Variants in SGK2 observed in about 807,000 individuals in gnomAD.
The protein encoded by SGK2 is serine/threonine-protein kinase Sgk2.
Under a neutral mutation model 47.5 loss-of-function variants are expected in SGK2, and 36 were observed. The ratio of observed to expected loss-of-function variants is 0.76; its 90% CI spans 0.58 to 1.00. SGK2 has a LOEUF of 1.00. Among genes scored for constraint, SGK2 ranks in the 50% least tolerant of loss-of-function variants. The pLI, the probability that SGK2 is intolerant of heterozygous loss-of-function variation, is 0.00. For missense variants in SGK2, 404 were observed against 467.4 expected (o/e 0.86, Z 1.25); for synonymous variants, 157 against 181.9 (o/e 0.86, Z 1.10).
intron 12 of SGK2, among the ~76,000 whole-genome samples, chr20:43,581,669 T>C (rs1185547883): frequency 6.6e-6 from 1 of 152,106 alleles, no homozygotes; most frequent in African/African-American, 2.4e-5. Context: ...GCTGTGATTA[T>C]AGGCATGCGC....
chr20:43,580,755 G>A (rs557823600), intron 12 of SGK2, among the ~76,000 whole-genome samples: 1 of 147,460 alleles, frequency 6.8e-6, no homozygotes, highest in Non-Finnish European at 1.5e-5. Flanking sequence ...AAAAGGGAAT[G>A]TATGTAAAAC....
At chr20:43,583,119 T>C in intron 12 of SGK2, 1 of 1,201,400 alleles carries the variant, frequency 8.3e-7, no homozygotes, top group Admixed American at 2.6e-5. Flanking sequence ...TAATTCACCA[T>C]TTACATTTCT....
At chr20:43,575,339 TG>T (rs1311410298) in intron 10 of SGK2, among the ~76,000 whole-genome samples, 4 of 151,696 alleles carry the variant, frequency 2.6e-5, no homozygotes, top group Non-Finnish European at 5.9e-5. Context: ...GGCGGGCACC[TG>T]TAATCCCAGT....
intron 5 of SGK2, among the ~76,000 whole-genome samples, chr20:43,568,258 A>G (rs1979870400): frequency 6.6e-6 from 1 of 152,188 alleles, no homozygotes; most frequent in South Asian, 2.1e-4. Context: ...CACGATGGAC[A>G]AGTCTTCTGC....
At chr20:43,583,632 T>C (rs1478870357) in intron 12 of SGK2, 1 of 985,006 alleles carries the variant, frequency 1.0e-6, no homozygotes. Flanking sequence ...ATTGGTTAGC[T>C]CTTGGTGTAT....
intron 8 of SGK2, among the ~76,000 whole-genome samples, chr20:43,571,278 G>C (rs1980113299): frequency 2.0e-5 from 3 of 152,250 alleles, no homozygotes; most frequent in African/African-American, 7.2e-5. Context: ...GTGCATGCAT[G>C]TACATAGGGG....
At chr20:43,583,793 A>AC (rs1011785099) in intron 12 of SGK2, 4 of 172,982 alleles carry the variant, frequency 2.3e-5, no homozygotes, top group African/African-American at 7.2e-5. Context: ...ACATGGCGAG[A>AC]CCCCCATCTT....
At chr20:43,573,630 C>T (rs551095452) in intron 9 of SGK2, among the ~76,000 whole-genome samples, 3 of 152,342 alleles carry the variant, frequency 2.0e-5, no homozygotes, top group East Asian at 3.9e-4. Context: ...GAGACTCCTC[C>T]CCACCTGGCA....
At chr20:43,578,423 G>A (rs1276409082) in intron 11 of SGK2, among the ~76,000 whole-genome samples, 1 of 152,094 alleles carries the variant, frequency 6.6e-6, no homozygotes, top group African/African-American at 2.4e-5. Flanking sequence ...GGTGGGTGGA[G>A]GTTGCAGTGA....
At chr20:43,560,193 A>T (rs1419500006) in intron 1 of SGK2, among the ~76,000 whole-genome samples, 1 of 152,158 alleles carries the variant, frequency 6.6e-6, no homozygotes, top group Non-Finnish European at 1.5e-5. Context: ...ACACAATAGT[A>T]CAAAGATAAA....
chr20:43,563,625 G>A (rs938811039), intron 1 of SGK2, among the ~76,000 whole-genome samples: 16 of 152,206 alleles, frequency 1.1e-4, no homozygotes, highest in African/African-American at 3.6e-4. Context: ...CACGGTATAT[G>A]GTCAAGAGAG....
rs1168818276 is a variant in SGK2 at position 43,576,204 on chromosome 20, T to TGTCCTCCCTCTCTCCCCAGCC, written c.694-18_694-17insCCTCCCTCTCTCCCCAGCCGT. ...CACTTTGCATGGGTGATCCTCCAGC[T>TGTCCTCCCTCTCTCCCCAGCC]GTTCTCCCTCTCTCCCCAGCCGCCC... On this transcript the variant is annotated intron_variant, in intron 10 of 12. Transcript: ENST00000373100. 1 of 1,612,596 alleles carries TGTCCTCCCTCTCTCCCCAGCC rather than the reference T, an allele frequency of 6.2e-7. No homozygotes were observed. The highest frequency in any genetic ancestry group is 1.7e-5 in the Admixed American group (1 of 59,892).
chr20:43,573,162 C>G (rs1001268222), intron 9 of SGK2, among the ~76,000 whole-genome samples: 1 of 152,178 alleles, frequency 6.6e-6, no homozygotes, highest in African/African-American at 2.4e-5. Flanking sequence ...GTCTATATGT[C>G]CTGCCAAGGT....
intron 11 of SGK2, among the ~76,000 whole-genome samples, chr20:43,578,214 G>A (rs1980582373): frequency 6.6e-6 from 1 of 152,176 alleles, no homozygotes; most frequent in Non-Finnish European, 1.5e-5. Context: ...GCCAGGTGCA[G>A]TGGCTCACAT....
intron 1 of SGK2, among the ~76,000 whole-genome samples, chr20:43,562,208 G>A (rs1485658846): frequency 6.6e-6 from 1 of 151,744 alleles, no homozygotes; most frequent in Non-Finnish European, 1.5e-5. Flanking sequence ...AAGCTCATGA[G>A]CTCAAGACCA....
In SGK2 at chr20:43,572,161, GGGGA is replaced by G. The variant is rs1280886866; in HGVS notation, c.597+27_597+30del. 1 of 1,518,652 alleles carries G rather than the reference GGGGA, an allele frequency of 6.6e-7. No homozygotes were observed. Among genetic ancestry groups the G allele is most frequent in the East Asian group, 2.5e-5 (1 of 40,350 alleles). The allele number at this position is 1,518,652 out of a possible 1,614,324, so 94.1% of individuals were successfully genotyped here. ...AGGTAAGCGTAAACATCCCAGGAGA[GGGGA>G]GGTCATGAGTGGGTGAGGCCACAGC... On this transcript the variant is annotated intron_variant, in intron 9 of 12. Coordinates refer to ENST00000373100, the MANE Select transcript of SGK2 (RefSeq NM_170693.3). The surrounding 1 kb of genome is among the most constrained non-coding windows in gnomAD (Gnocchi z 4.2).
At chr20:43,567,177 T>G in intron 3 of SGK2, 60 bp downstream of exon 3, 1 of 1,379,638 alleles carries the variant, frequency 7.2e-7, no homozygotes, top group Non-Finnish European at 1.0e-6. Flanking sequence ...TGGCTCCCCT[T>G]GCCTTGGGAA....
chr20:43,564,336 C>T (rs1979553088), intron 1 of SGK2, among the ~76,000 whole-genome samples: 1 of 152,236 alleles, frequency 6.6e-6, no homozygotes. Context: ...CACCCAGGCT[C>T]CAGGTTCCTT....
intron 12 of SGK2, among the ~76,000 whole-genome samples, chr20:43,583,899 C>A (rs1156754977): frequency 6.6e-6 from 1 of 152,174 alleles, no homozygotes; most frequent in African/African-American, 2.4e-5. Flanking sequence ...GATGTCGAAG[C>A]TATAGTGAGC....
Sources: gnomAD v4.1 joint callset for allele counts (sites outside exome capture counted in the v4.1 genomes callset) on GRCh38, gnomAD v4.1.1 for gene constraint, Gnocchi (gnomAD v3.1) non-coding constraint, MANE v1.5 for transcripts, NCBI Gene and HGNC (gene_info 2026-07-23, HGNC 2026-07-21) for gene names.